LARS2: variants seen among roughly 807,000 people sequenced by gnomAD.
LARS2 encodes the protein leucyl-tRNA synthetase 2, mitochondrial, also known as leucine--tRNA ligase, mitochondrial.
LARS2 carries 81 observed loss-of-function variants against 116.6 expected under a neutral mutation model. That is an observed-to-expected ratio of 0.69 (90% CI 0.58 to 0.84). The LOEUF (loss-of-function observed/expected upper bound fraction) is 0.84. Ranked by LOEUF, LARS2 falls within the 40% of genes least tolerant of loss-of-function variation. The pLI, the probability that LARS2 is intolerant of heterozygous loss-of-function variation, is 0.00. For synonymous variants in LARS2, 396 were observed against 407.2 expected (o/e 0.97, Z 0.33); for missense variants, 968 against 1,114.5 (o/e 0.87, Z 1.87).
Position 45,425,395 on chromosome 3 carries a change from G to A in LARS2, c.516+5666G>A, listed in dbSNP as rs79417220. 1.9e-3 allele frequency among the ~76,000 whole-genome samples: 290 copies of A among 152,298 alleles called. 3 individuals carry two copies. The East Asian group carries it at 0.04, about 21-fold the overall frequency. On this transcript the variant is annotated intron_variant, in intron 6 of 21. Transcript: ENST00000645846. Reference sequence around the variant, plus strand: ...TTGTTCACTGAAACAAACTCAGAACGTGACCTCACACTCGTCCCTGCAAGC... The same window carrying A: ...TTGTTCACTGAAACAAACTCAGAACATGACCTCACACTCGTCCCTGCAAGC...
chr3:45,422,003 A>G (rs1468920575), intron 6 of LARS2: 1 of 152,188 alleles, frequency 6.6e-6, no homozygotes, highest in Non-Finnish European at 1.5e-5. Context: ...TCATTGTACC[A>G]CTGTAAAGTC....
intron 2 of LARS2, 73 bp from the exon 3 acceptor site, chr3:45,394,360 G>A (rs1299352806): frequency 1.2e-6 from 1 of 804,266 alleles, no homozygotes; most frequent in Admixed American, 2.1e-5. Context: ...ACACTGGACT[G>A]TGCCAAATGG....
chr3:45,511,231 G>A lies in LARS2; in HGVS notation c.1761-1904G>A, dbSNP rs9849366. Among the ~76,000 whole-genome samples the A allele has an allele frequency of 2.9e-3, 435 of 152,284 alleles. 7 individuals carry two copies. The highest frequency in any genetic ancestry group is 9.9e-3 in the African/African-American group (412 of 41,558). On this transcript the variant is annotated intron_variant, in intron 15 of 21. Transcript: ENST00000645846. ...CATTGTTGGAAGCTTTCAGACATTA[G>A]GATATATTCATGTAACTAGCAGGTC... is the stretch of plus-strand genomic sequence containing the variant.
At chr3:45,533,344 G>A (rs1284405840) in intron 20 of LARS2, among the ~76,000 whole-genome samples, 2 of 151,642 alleles carry the variant, frequency 1.3e-5, no homozygotes, top group Non-Finnish European at 2.9e-5. Context: ...TAGAGACGGG[G>A]TTTCACCATG....
chr3:45,430,671 G>A (rs551764641), intron 6 of LARS2, among the ~76,000 whole-genome samples: 5 of 139,904 alleles, frequency 3.6e-5, no homozygotes, highest in South Asian at 2.3e-4. Flanking sequence ...TGCGAGCTTC[G>A]CCTCCCGAGT....
rs936405051 is a variant in LARS2, at chr3:45,508,394, C to T, written c.1761-4741C>T. Reference sequence around the variant, plus strand: ...TGTATTAGTAAACCCTCCTTCTGCGCCACTAACTGGCTGCTAGGAAATGGG... The same window carrying T: ...TGTATTAGTAAACCCTCCTTCTGCGTCACTAACTGGCTGCTAGGAAATGGG... On this transcript the variant is annotated intron_variant, in intron 15 of 21. Transcript: ENST00000645846. Among the ~76,000 whole-genome samples, 21 of 152,220 alleles carry T rather than the reference C, an allele frequency of 1.4e-4. 1 individual carries two copies. In the Middle Eastern group the frequency reaches 0.01, roughly 74 times the overall value.
intron 19 of LARS2, among the ~76,000 whole-genome samples, chr3:45,521,585 T>C (rs1388018939): frequency 6.6e-6 from 1 of 152,188 alleles, no homozygotes; most frequent in African/African-American, 2.4e-5. Flanking sequence ...GTTAATATCC[T>C]TGTAAAGCAC....
intron 21 of LARS2, among the ~76,000 whole-genome samples, chr3:45,544,632 C>G (rs575168677): frequency 6.6e-6 from 1 of 152,266 alleles, no homozygotes; most frequent in African/African-American, 2.4e-5. Flanking sequence ...TGTGACTAAC[C>G]CTATCTTACA....
Position 45,454,523 on chromosome 3 carries a change from C to T in LARS2, c.607-4220C>T, listed in dbSNP as rs1053427176. Among the ~76,000 whole-genome samples the T allele has an allele frequency of 7.2e-5, 11 of 152,232 alleles. No homozygotes were observed. In the South Asian group the frequency reaches 2.3e-3, roughly 32 times the overall value. ...AGCAGTGGGTAAAATCGACCCAGAGCTCAGTGTGTTTGCAGGTGTTTTAAT... is the reference window on the plus strand; with the variant it reads ...AGCAGTGGGTAAAATCGACCCAGAGTTCAGTGTGTTTGCAGGTGTTTTAAT... On this transcript the variant is annotated intron_variant, in intron 7 of 21. Coordinates refer to ENST00000645846, the MANE Select transcript of LARS2 (RefSeq NM_015340.4).
At chr3:45,407,296 G>A (rs773834773) in intron 4 of LARS2, among the ~76,000 whole-genome samples, 39 of 152,184 alleles carry the variant, frequency 2.6e-4, no homozygotes, top group Non-Finnish European at 3.7e-4. Flanking sequence ...TGAAGTGCCC[G>A]GAGAGTGCAT....
intron 15 of LARS2, among the ~76,000 whole-genome samples, chr3:45,503,880 G>A (rs1393595183): frequency 6.6e-6 from 1 of 151,900 alleles, no homozygotes; most frequent in East Asian, 1.9e-4. Context: ...CTCCCTCCCT[G>A]CACGCCACTC....
At chr3:45,467,103 GT>G (rs1370206298) in intron 8 of LARS2, among the ~76,000 whole-genome samples, 3 of 152,138 alleles carry the variant, frequency 2.0e-5, no homozygotes, top group Non-Finnish European at 4.4e-5. Context: ...GAGGTTTTCT[GT>G]TTTGTTCTTG....
intron 20 of LARS2, among the ~76,000 whole-genome samples, chr3:45,532,938 G>A (rs879882537): frequency 1.3e-5 from 2 of 152,008 alleles, no homozygotes; most frequent in South Asian, 2.1e-4. Flanking sequence ...CACAGCGCCC[G>A]GCCACCTCTT....
At chr3:45,429,997 C>T (rs1016152543) in intron 6 of LARS2, among the ~76,000 whole-genome samples, 4 of 132,630 alleles carry the variant, frequency 3.0e-5, no homozygotes, top group African/African-American at 8.6e-5. Context: ...CCACCATGCC[C>T]AGCCTCTTTT....
intron 3 of LARS2, among the ~76,000 whole-genome samples, chr3:45,396,436 T>C (rs1437136054): frequency 6.6e-6 from 1 of 152,260 alleles, no homozygotes; most frequent in African/African-American, 2.4e-5. Flanking sequence ...AAATGCATTT[T>C]ACAAACTGAA....
intron 6 of LARS2, among the ~76,000 whole-genome samples, chr3:45,434,571 G>A (rs896787558): frequency 6.6e-6 from 1 of 152,186 alleles, no homozygotes; most frequent in African/African-American, 2.4e-5. Context: ...GGGTCATCAT[G>A]GTGTTGGTGT....
intron 6 of LARS2, among the ~76,000 whole-genome samples, chr3:45,425,875 T>C (rs1698585822): frequency 6.6e-6 from 1 of 151,622 alleles, no homozygotes; most frequent in South Asian, 2.1e-4. Flanking sequence ...TTTGCAAATT[T>C]CTCTGGTTTT....
At chr3:45,523,145 A>G (rs1159528261) in intron 19 of LARS2, among the ~76,000 whole-genome samples, 2 of 152,226 alleles carry the variant, frequency 1.3e-5, no homozygotes, top group African/African-American at 4.8e-5. Flanking sequence ...ATGAAACTGT[A>G]ATGAATTTCT....
At chr3:45,502,949 G>A (rs1279672587) in intron 15 of LARS2, among the ~76,000 whole-genome samples, 1 of 151,622 alleles carries the variant, frequency 6.6e-6, no homozygotes, top group East Asian at 1.9e-4. Flanking sequence ...TGTCATTATG[G>A]GTCTGTTTAG....
Sources: gnomAD v4.1 joint callset for allele counts (sites outside exome capture counted in the v4.1 genomes callset) on GRCh38, gnomAD v4.1.1 for gene constraint, MANE v1.5 for transcripts, NCBI Gene and HGNC (gene_info 2026-07-23, HGNC 2026-07-21) for gene names.